Variants in ADAM28 observed in about 807,000 individuals in gnomAD.
ADAM28 encodes ADAM metallopeptidase domain 28, also known as disintegrin and metalloproteinase domain-containing protein 28.
A neutral mutation model predicts 101.2 loss-of-function variants in ADAM28; 105 were observed. The ratio of observed to expected loss-of-function variants is 1.04; its 90% CI spans 0.89 to 1.22. The LOEUF is 1.22. Among genes scored for constraint, ADAM28 ranks in the 50% most tolerant of loss-of-function variants. The pLI is 0.00. For synonymous variants in ADAM28, 322 were observed against 310.6 expected (o/e 1.04, Z -0.39); for missense variants, 1,028 against 945.4 (o/e 1.09, Z -1.15).
intron 3 of ADAM28, 75 bp from the exon 4 acceptor site, chr8:24,310,088 C>A: frequency 6.4e-7 from 1 of 1,560,732 alleles, no homozygotes; most frequent in Non-Finnish European, 8.8e-7. Flanking sequence ...CGTTTGCTCT[C>A]AAATGACTTG....
chr8:24,304,932 T>TATAG (rs1554505629), intron 2 of ADAM28, among the ~76,000 whole-genome samples: 2 of 147,558 alleles, frequency 1.4e-5, no homozygotes, highest in African/African-American at 5.0e-5. Context: ...AAAAAAAAAA[T>TATAG]AGATTATGCT....
chr8:24,332,623 TA>T, intron 12 of ADAM28, 36 bp from the exon 13 acceptor site: 2 of 1,272,834 alleles, frequency 1.6e-6, no homozygotes, highest in Non-Finnish European at 2.1e-6. Context: ...GACCAAAAAG[TA>T]ATGTTGCATT....
chr8:24,312,142 T>G (rs1810546288), intron 5 of ADAM28, among the ~76,000 whole-genome samples: 1 of 152,202 alleles, frequency 6.6e-6, no homozygotes, highest in Non-Finnish European at 1.5e-5. Flanking sequence ...CATCTGTCTA[T>G]ATATAGTAAT....
rs952739838 is a variant in ADAM28 at position 24,329,942 on chromosome 8, C to G, written c.973-43C>G. The G allele has an allele frequency of 2.5e-6, 4 of 1,568,900 alleles. No homozygotes were observed. The East Asian group carries it at 9.1e-5, about 36-fold the overall frequency. On this transcript the variant is annotated intron_variant, in intron 10 of 22. Coordinates refer to ENST00000265769, the MANE Select transcript of ADAM28 (RefSeq NM_014265.6). ...TGGCAAGTAGAGTGATGTATAATTTCATTCGAAAATCAGAGAATCTTTTTC... is the reference window on the plus strand; with the variant it reads ...TGGCAAGTAGAGTGATGTATAATTTGATTCGAAAATCAGAGAATCTTTTTC...
chr8:24,351,609 C>CCCT (rs1816154663), intron 20 of ADAM28: 1 of 501,392 alleles, frequency 2.0e-6, no homozygotes, highest in African/African-American at 1.9e-5. Context: ...CACACACACT[C>CCCT]CCTCTAGCTT....
intron 6 of ADAM28, among the ~76,000 whole-genome samples, chr8:24,319,218 G>A (rs1370803579): frequency 1.3e-5 from 2 of 151,368 alleles, no homozygotes; most frequent in Non-Finnish European, 2.9e-5. Context: ...TCCTTGCCTG[G>A]CTTCTCATTT....
At chr8:24,312,065 GCT>G (rs1810533912) in intron 5 of ADAM28, among the ~76,000 whole-genome samples, 1 of 151,854 alleles carries the variant, frequency 6.6e-6, no homozygotes, top group South Asian at 2.1e-4. Context: ...GCTCTCACTC[GCT>G]CTCTCTCTAG....
intron 15 of ADAM28, 96 bp from the exon 16 acceptor site, chr8:24,341,502 C>A: frequency 7.8e-7 from 1 of 1,286,394 alleles, no homozygotes; most frequent in Non-Finnish European, 1.1e-6. Context: ...GTCTCGGCTA[C>A]AGGGAAAAAT....
chr8:24,312,758 A>C (rs985853501), intron 5 of ADAM28, among the ~76,000 whole-genome samples: 1 of 152,132 alleles, frequency 6.6e-6, no homozygotes, highest in African/African-American at 2.4e-5. Context: ...GTCTACCCTT[A>C]GTCCAATGCC....
rs150465435 is a variant in ADAM28 at position 24,339,352 on chromosome 8, T to C, written c.1568-114T>C. 2.7e-3 allele frequency: 2,028 copies of C among 763,538 alleles called. 19 individuals are homozygous for C. Among genetic ancestry groups the C allele is most frequent in the South Asian group, 0.014 (725 of 53,666 alleles). The allele number at this position is 763,538 out of a possible 1,614,324, so 47.3% of individuals were successfully genotyped here. A position where few individuals can be genotyped will look rare whatever the true frequency, so the allele number is the denominator to read the frequency against. ...TAAAATAGTATTTTTCTTGCTTGTT[T>C]TATATTTTATAAATCGCTTTCCAGC... On this transcript the variant is annotated intron_variant, in intron 14 of 22. Coordinates refer to ENST00000265769, the MANE Select transcript of ADAM28 (RefSeq NM_014265.6).
Position 24,351,258 on chromosome 8 carries a change from C to T in ADAM28, c.2126C>T (p.Pro709Leu). 1 of 1,609,054 alleles carries T rather than the reference C, an allele frequency of 6.2e-7. No homozygotes were observed. Among genetic ancestry groups the T allele is most frequent in the Non-Finnish European group, 8.5e-7 (1 of 1,177,826 alleles). The change falls in exon 20 of 23, where the codon CCA (proline) becomes CTA (leucine). Residue 709 changes from proline to leucine, a missense_variant. Pro to Leu is a moderately conservative substitution (Grantham distance 98, BLOSUM62 -3). Transcript: ENST00000265769. ...CCACTATCTACCACTGGCACCAGGC[C>T]ACACAAACAGAAGAGGAAACCCCAG... ...QRPLSTTGTR[P>L]HKQKRKPQMV...
At chr8:24,342,845 C>T (rs533329119) in intron 16 of ADAM28, 9 of 464,788 alleles carry the variant, frequency 1.9e-5, no homozygotes, top group East Asian at 3.8e-5. Context: ...CTTGCATAGT[C>T]ATTGCTTCTG....
intron 2 of ADAM28, among the ~76,000 whole-genome samples, chr8:24,301,471 T>C (rs1162560039): frequency 6.6e-6 from 1 of 152,012 alleles, no homozygotes; most frequent in African/African-American, 2.4e-5. Context: ...GAATCTAAAA[T>C]AAAAGTTGGA....
intron 15 of ADAM28, 27 bp from the exon 16 acceptor site, chr8:24,341,571 T>G (rs1331220824): frequency 1.2e-6 from 2 of 1,605,694 alleles, no homozygotes; most frequent in Non-Finnish European, 1.7e-6. Flanking sequence ...ATTTGAATCC[T>G]GCAATACATT....
At chr8:24,306,061 A>C (rs74786924) in intron 2 of ADAM28, among the ~76,000 whole-genome samples, 2,038 of 152,066 alleles carry the variant, frequency 0.013, 47 homozygotes, top group African/African-American at 0.046. Flanking sequence ...ACAAACAGTA[A>C]AACTTTTTTG....
rs539090081 is a variant in ADAM28 at position 24,348,796 on chromosome 8, T to C, written c.1991-1068T>C. Among the ~76,000 whole-genome samples, 163 of 152,314 alleles carry C rather than the reference T, an allele frequency of 1.1e-3. 2 individuals are homozygous for C. Among genetic ancestry groups the C allele is most frequent in the African/African-American group, 3.8e-3 (160 of 41,578 alleles). ...GTGCCCCAATTTTAGCTCCAGACCA[T>C]GTCTTTTCAAGTTTGGTGTGTTTGT... On this transcript the variant is annotated intron_variant, in intron 18 of 22. Coordinates refer to ENST00000265769, the MANE Select transcript of ADAM28 (RefSeq NM_014265.6).
intron 18 of ADAM28, among the ~76,000 whole-genome samples, chr8:24,344,230 T>C (rs1157609333): frequency 6.6e-5 from 10 of 151,860 alleles, no homozygotes; most frequent in Non-Finnish European, 1.3e-4. Context: ...GGGACCCACC[T>C]CCAGTTGTTA....
intron 1 of ADAM28, among the ~76,000 whole-genome samples, chr8:24,298,833 G>A (rs979580457): frequency 1.3e-5 from 2 of 152,180 alleles, no homozygotes; most frequent in Non-Finnish European, 2.9e-5. Flanking sequence ...TAGACCACAT[G>A]GGCAAATCAA....
At position 24,357,522 on chromosome 8, in the gene ADAM28, A is replaced by G. The variant is rs1816758397; in HGVS notation, c.*3118A>G. The G allele has an allele frequency of 6.6e-6, 1 of 152,120 alleles. No homozygotes were observed. Among genetic ancestry groups the G allele is most frequent in the Non-Finnish European group, 1.5e-5 (1 of 68,020 alleles). The allele number at this position is 152,120 out of a possible 1,614,324, so 9.4% of individuals were successfully genotyped here. ...GTGTATGAAGGAGGAACTGTCAAACACTTATAAAACCATCAGATCTCTTGA... is the reference window on the plus strand; with the variant it reads ...GTGTATGAAGGAGGAACTGTCAAACGCTTATAAAACCATCAGATCTCTTGA... On this transcript the variant is annotated 3_prime_UTR_variant, in exon 23 of 23. Coordinates refer to ENST00000265769, the MANE Select transcript of ADAM28 (RefSeq NM_014265.6).
Sources: allele counts gnomAD v4.1 joint callset (sites outside exome capture counted in the v4.1 genomes callset), GRCh38; gene constraint gnomAD v4.1.1; transcripts MANE v1.5; gene names NCBI Gene and HGNC (gene_info 2026-07-23, HGNC 2026-07-21).